Variants in MTMR2 observed in about 807,000 individuals in gnomAD.
MTMR2 encodes myotubularin related protein 2.
A neutral mutation model predicts 86.9 loss-of-function variants in MTMR2; 55 were observed. The ratio of observed to expected loss-of-function variants is 0.63; its 90% CI spans 0.51 to 0.79. The LOEUF is 0.79. Ranked by LOEUF, MTMR2 falls within the 30% of genes least tolerant of loss-of-function variation. The pLI is 0.00. For synonymous variants in MTMR2, 241 were observed against 266.8 expected (o/e 0.90, Z 0.94); for missense variants, 659 against 772.3 (o/e 0.85, Z 1.74).
chr11:95,841,003 A>G (rs1339336911), intron 12 of MTMR2, among the ~76,000 whole-genome samples: 3 of 152,188 alleles, frequency 2.0e-5, no homozygotes, highest in African/African-American at 7.2e-5. Context: ...TCATTAATAA[A>G]GTGATCTCAC....
chr11:95,841,746 G>T, intron 11 of MTMR2, 37 bp from the exon 12 acceptor site: 1 of 1,435,194 alleles, frequency 7.0e-7, no homozygotes. Context: ...AACTTAGGGG[G>T]ATTTTTCATG....
chr11:95,907,491 G>A (rs1866325772), intron 1 of MTMR2, among the ~76,000 whole-genome samples: 1 of 151,952 alleles, frequency 6.6e-6, no homozygotes, highest in Non-Finnish European at 1.5e-5. Context: ...AAAATGAGGA[G>A]GAAGGACTCC....
chr11:95,891,189 G>A (rs974879238), intron 1 of MTMR2, among the ~76,000 whole-genome samples: 11 of 152,022 alleles, frequency 7.2e-5, no homozygotes, highest in East Asian at 3.9e-4. Flanking sequence ...AGTGGCTCAC[G>A]CCTGTAATCC....
chr11:95,875,303 TC>T (rs1865064487), intron 2 of MTMR2, among the ~76,000 whole-genome samples: 1 of 152,176 alleles, frequency 6.6e-6, no homozygotes, highest in Admixed American at 6.5e-5. Flanking sequence ...TTCTTTTCAT[TC>T]TTTTTTCTCT....
intron 2 of MTMR2, among the ~76,000 whole-genome samples, chr11:95,880,555 T>C (rs1391112838): frequency 6.6e-6 from 1 of 152,052 alleles, no homozygotes; most frequent in African/African-American, 2.4e-5. Context: ...TGTATGAGAA[T>C]TCCCACTGCC....
chr11:95,878,718 A>G (rs1358308451), intron 2 of MTMR2, among the ~76,000 whole-genome samples: 1 of 152,052 alleles, frequency 6.6e-6, no homozygotes, highest in Non-Finnish European at 1.5e-5. Context: ...CTCCATCCAT[A>G]AGGACGAGCC....
At chr11:95,851,055 CTTTTTTTTTTTTT>C (rs55809121) in intron 7 of MTMR2, among the ~76,000 whole-genome samples, 34 of 93,418 alleles carry the variant, frequency 3.6e-4, no homozygotes, top group African/African-American at 1.4e-3. Flanking sequence ...TCAAATATTC[CTTTTTTTTTTTTT>C]TTTTTTTTTT....
chr11:95,868,251 C>G lies in MTMR2; in HGVS notation c.187-2575G>C, dbSNP rs1864692417. ...GCACTCCACTGCACTCCAGCCTAGG[C>G]AATGGGAGTGAGACCCTGTGCTAAA... On this transcript the variant is annotated intron_variant, in intron 2 of 14. Transcript: ENST00000346299. 1.8e-5 allele frequency among the ~76,000 whole-genome samples: 2 copies of G among 108,700 alleles called. 1 individual carries two copies. The allele number at this position is 108,700 out of a possible 152,430, so 71.3% of individuals were successfully genotyped here.
Position 95,834,902 on chromosome 11 carries a change from T to TGTTG in MTMR2, c.*384_*387dup, listed in dbSNP as rs1863189526. Reference sequence around the variant, plus strand: ...TATATGTGATGCCACAGAATTTCAGTGTTGGTTTGAAAACTGATGTTCCTC... The same window carrying TGTTG: ...TATATGTGATGCCACAGAATTTCAGTGTTGGTTGGTTTGAAAACTGATGTTCCTC... On this transcript the variant is annotated 3_prime_UTR_variant, in exon 15 of 15. Coordinates refer to ENST00000346299, the MANE Select transcript of MTMR2 (RefSeq NM_016156.6). 4.2e-6 allele frequency: 1 copy of TGTTG among 237,960 alleles called. No homozygotes were observed. Among genetic ancestry groups the TGTTG allele is most frequent in the South Asian group, 6.0e-5 (1 of 16,578 alleles). The allele number at this position is 237,960 out of a possible 1,614,324, so 14.7% of individuals were successfully genotyped here. A position where few individuals can be genotyped will look rare whatever the true frequency, so the allele number is the denominator to read the frequency against.
intron 3 of MTMR2, among the ~76,000 whole-genome samples, chr11:95,864,591 A>G (rs995015085): frequency 2.0e-5 from 3 of 152,302 alleles, no homozygotes; most frequent in African/African-American, 4.8e-5. Flanking sequence ...AATAACTACT[A>G]TCATTATATA....
At chr11:95,874,898 T>C (rs951753178) in intron 2 of MTMR2, among the ~76,000 whole-genome samples, 38 of 152,194 alleles carry the variant, frequency 2.5e-4, no homozygotes, top group African/African-American at 8.7e-4. Context: ...GAAAATTCTT[T>C]TCTTTAAGAA....
At chr11:95,917,596 T>C (rs900000603) in intron 1 of MTMR2, among the ~76,000 whole-genome samples, 21 of 152,174 alleles carry the variant, frequency 1.4e-4, no homozygotes, top group Admixed American at 1.3e-4. Context: ...AGACTACTGT[T>C]GACTGGAAGC....
intron 2 of MTMR2, among the ~76,000 whole-genome samples, chr11:95,868,975 AT>A (rs1478913328): frequency 6.6e-6 from 1 of 151,920 alleles, no homozygotes; most frequent in Non-Finnish European, 1.5e-5. Flanking sequence ...AAAGAAAAAA[AT>A]ATCTTAAACT....
intron 1 of MTMR2, among the ~76,000 whole-genome samples, chr11:95,913,972 T>C (rs1371271936): frequency 2.6e-5 from 4 of 151,988 alleles, no homozygotes; most frequent in African/African-American, 9.7e-5. Flanking sequence ...AAACTGCAAA[T>C]TGCTAAGGAG....
chr11:95,923,925 A>C lies in MTMR2; in HGVS notation c.30T>G (p.Leu10=). MEKSSSCES[L]GSQPAAARPP... is the part of the protein sequence containing the mutation. ...GCCGAGCCGCCGCCGGCTGGGAGCCAAGACTCTCGCAGCTCGAGCTCTTCT... is the reference window on the plus strand; with the variant it reads ...GCCGAGCCGCCGCCGGCTGGGAGCCCAGACTCTCGCAGCTCGAGCTCTTCT... Residue 10 remains leucine (L), a synonymous_variant, in exon 1 of 15, where the codon CTT becomes CTG. Coordinates refer to ENST00000346299, the MANE Select transcript of MTMR2 (RefSeq NM_016156.6). 1 of 1,561,640 alleles carries C rather than the reference A, an allele frequency of 6.4e-7. No homozygotes were observed.
chr11:95,856,333 C>CTTT (rs11454567), intron 7 of MTMR2, among the ~76,000 whole-genome samples: 4,967 of 145,254 alleles, frequency 0.034, 133 homozygotes, highest in South Asian at 0.091. Flanking sequence ...TTACCACTTC[C>CTTT]TTTTTTTTTT....
chr11:95,873,160 T>G (rs1323594752), intron 2 of MTMR2, among the ~76,000 whole-genome samples: 1 of 152,232 alleles, frequency 6.6e-6, no homozygotes, highest in Non-Finnish European at 1.5e-5. Context: ...TCCCTCTTTT[T>G]CTATTGATTG....
At chr11:95,865,883 A>C (rs907318922) in intron 2 of MTMR2, among the ~76,000 whole-genome samples, 4 of 151,166 alleles carry the variant, frequency 2.6e-5, no homozygotes, top group Non-Finnish European at 5.9e-5. Flanking sequence ...TGCTTAAATC[A>C]TATCAAAGCA....
rs954675045 is a variant in MTMR2, at chr11:95,835,061, T to C, written c.*229A>G. 1 of 535,826 alleles carries C rather than the reference T, an allele frequency of 1.9e-6. No homozygotes were observed. The highest frequency in any genetic ancestry group is 3.2e-5 in the East Asian group (1 of 31,168). The allele number at this position is 535,826 out of a possible 1,614,324, so 33.2% of individuals were successfully genotyped here. On this transcript the variant is annotated 3_prime_UTR_variant, in exon 15 of 15. Coordinates refer to ENST00000346299, the MANE Select transcript of MTMR2 (RefSeq NM_016156.6). ...CAGGATTGAAGTATTTTAATATTCTTTGGATACTTAAAAGATTAGTATCAT... is the reference window on the plus strand; with the variant it reads ...CAGGATTGAAGTATTTTAATATTCTCTGGATACTTAAAAGATTAGTATCAT...
Sources: gnomAD v4.1 joint callset for allele counts (sites outside exome capture counted in the v4.1 genomes callset) on GRCh38, gnomAD v4.1.1 for gene constraint, MANE v1.5 for transcripts, NCBI Gene and HGNC (gene_info 2026-07-23, HGNC 2026-07-21) for gene names.